SLC12A2: variants seen among roughly 807,000 people sequenced by gnomAD.
The protein encoded by SLC12A2 is solute carrier family 12 member 2, also known as Na-K-2Cl cotransporter 1.
A neutral mutation model predicts 136.3 loss-of-function variants in SLC12A2; 67 were observed. The observed-to-expected ratio is 0.49, with a 90% CI of 0.40 to 0.60. The LOEUF is 0.60. Ranked by LOEUF, SLC12A2 falls within the 20% of genes least tolerant of loss-of-function variation. The probability of loss-of-function intolerance (pLI) is 0.00; values close to 1 mark genes in which losing one functional copy is unlikely to be tolerated. For synonymous variants in SLC12A2, 619 were observed against 562.9 expected (o/e 1.10, Z -1.41); for missense variants, 1,322 against 1,534.7 (o/e 0.86, Z 2.32).
intron 1 of SLC12A2, among the ~76,000 whole-genome samples, chr5:128,095,338 T>G (rs1212419553): frequency 6.6e-6 from 1 of 152,118 alleles, no homozygotes; most frequent in East Asian, 1.9e-4. Flanking sequence ...TAGAAGGTCC[T>G]GGAGTAACAG....
At chr5:128,169,450 T>C (rs1342790045) in intron 18 of SLC12A2, 3 of 152,188 alleles carry the variant, frequency 2.0e-5, no homozygotes, top group Non-Finnish European at 4.4e-5. Flanking sequence ...CTGGATCTCA[T>C]ACTCTACTTT....
At chr5:128,116,404 T>G (rs1338540113) in intron 4 of SLC12A2, among the ~76,000 whole-genome samples, 1 of 148,674 alleles carries the variant, frequency 6.7e-6, no homozygotes, top group Non-Finnish European at 1.5e-5. Context: ...AATATATATA[T>G]ATATATATAT....
intron 9 of SLC12A2, among the ~76,000 whole-genome samples, chr5:128,139,272 AT>A (rs533224774): frequency 1.6e-3 from 221 of 141,250 alleles, no homozygotes; most frequent in Admixed American, 1.5e-3. Context: ...ATGGTTATTT[AT>A]TTTTTTTTTT....
intron 19 of SLC12A2, among the ~76,000 whole-genome samples, chr5:128,174,231 G>C (rs1763471202): frequency 6.6e-6 from 1 of 152,038 alleles, no homozygotes; most frequent in African/African-American, 2.4e-5. Context: ...TGGAATATTT[G>C]CATTACATAG....
intron 1 of SLC12A2, among the ~76,000 whole-genome samples, chr5:128,104,656 TATATAG>T (rs1249144041): frequency 9.4e-4 from 121 of 128,406 alleles, no homozygotes; most frequent in Middle Eastern, 3.9e-3. Flanking sequence ...AAAATATATA[TATATAG>T]ATATATAGAT....
intron 4 of SLC12A2, among the ~76,000 whole-genome samples, chr5:128,123,355 A>G (rs1761660544): frequency 6.6e-6 from 1 of 152,154 alleles, no homozygotes; most frequent in Admixed American, 6.5e-5. Context: ...AAACCAGGAT[A>G]CTGGAATGTA....
chr5:128,101,103 A>G (rs983759975), intron 1 of SLC12A2, among the ~76,000 whole-genome samples: 1 of 152,148 alleles, frequency 6.6e-6, no homozygotes, highest in Admixed American at 6.5e-5. Context: ...ACCAGAGCAG[A>G]TTGGATTCCT....
At chr5:128,085,440 C>T (rs1164136970) in intron 1 of SLC12A2, among the ~76,000 whole-genome samples, 2 of 152,104 alleles carry the variant, frequency 1.3e-5, no homozygotes. Flanking sequence ...CCTGTGGGGT[C>T]TTTGCCATAA....
chr5:128,101,935 C>CT (rs1366243440), intron 1 of SLC12A2, among the ~76,000 whole-genome samples: 4 of 151,856 alleles, frequency 2.6e-5, no homozygotes, highest in Admixed American at 6.6e-5. Context: ...TGCAAAAGTC[C>CT]TTTTTTTTAA....
intron 12 of SLC12A2, 68 bp from the exon 13 acceptor site, chr5:128,149,929 A>G: frequency 9.5e-7 from 1 of 1,050,262 alleles, no homozygotes; most frequent in East Asian, 2.4e-5. Flanking sequence ...AAGATTTGAA[A>G]TACTTCATAA....
chr5:128,171,473 A>G (rs1267991801), intron 18 of SLC12A2, among the ~76,000 whole-genome samples, 194 bp from the exon 19 acceptor site: 1 of 152,242 alleles, frequency 6.6e-6, no homozygotes, highest in African/African-American at 2.4e-5. Flanking sequence ...CAAGGGTATT[A>G]CAGAAGAGAA....
intron 19 of SLC12A2, among the ~76,000 whole-genome samples, chr5:128,172,379 G>C (rs1258777687): frequency 6.6e-5 from 3 of 45,226 alleles, no homozygotes; most frequent in Admixed American, 6.3e-4. Context: ...TCAGATTTCA[G>C]CAGTTTACAA....
intron 1 of SLC12A2, among the ~76,000 whole-genome samples, chr5:128,105,482 C>T (rs1218703001): frequency 6.6e-6 from 1 of 152,092 alleles, no homozygotes; most frequent in Non-Finnish European, 1.5e-5. Context: ...GAAAAATGTA[C>T]ATTAGATTTA....
chr5:128,130,928 CA>C (rs1392562195), intron 4 of SLC12A2, 138 bp from the exon 5 acceptor site: 1 of 678,040 alleles, frequency 1.5e-6, no homozygotes, highest in African/African-American at 1.8e-5. Flanking sequence ...TCTGAAAATA[CA>C]GTCACTCACT....
intron 12 of SLC12A2, among the ~76,000 whole-genome samples, chr5:128,149,157 C>T (rs2126720631): frequency 6.6e-6 from 1 of 151,946 alleles, no homozygotes; most frequent in Middle Eastern, 3.4e-3. Context: ...CCTGTGACAT[C>T]AGTGCCTTTG....
intron 1 of SLC12A2, among the ~76,000 whole-genome samples, chr5:128,085,595 G>A (rs1760071841): frequency 6.6e-6 from 1 of 152,152 alleles, no homozygotes; most frequent in South Asian, 2.1e-4. Context: ...TTTCGTTAAT[G>A]TTTAACTTTT....
intron 6 of SLC12A2, among the ~76,000 whole-genome samples, chr5:128,135,348 G>A (rs1762150994): frequency 6.6e-6 from 1 of 151,980 alleles, no homozygotes; most frequent in South Asian, 2.1e-4. Context: ...GTAGTGTTAA[G>A]GTGGAAGAGA....
chr5:128,184,695 ATTTCAG>A (rs753516606), intron 25 of SLC12A2, 88 bp from the exon 26 acceptor site: 1 of 1,580,476 alleles, frequency 6.3e-7, no homozygotes, highest in Admixed American at 1.9e-5. Context: ...ACGAAAATTC[ATTTCAG>A]TTTCTTTTTG....
chr5:128,103,713 G>T (rs908197484), intron 1 of SLC12A2, among the ~76,000 whole-genome samples: 1 of 152,224 alleles, frequency 6.6e-6, no homozygotes, highest in African/African-American at 2.4e-5. Flanking sequence ...GAAAGAGCCA[G>T]CCATCTTCAA....
Sources: gnomAD v4.1 joint callset for allele counts (sites outside exome capture counted in the v4.1 genomes callset) on GRCh38, gnomAD v4.1.1 for gene constraint, MANE v1.5 for transcripts, NCBI Gene and HGNC (gene_info 2026-07-23, HGNC 2026-07-21) for gene names.